Variants in CHMP3 observed in about 807,000 individuals in gnomAD.
CHMP3 encodes 25.1 protein.
Under a neutral mutation model 27.4 loss-of-function variants are expected in CHMP3, and 8 were observed. That is an observed-to-expected ratio of 0.29 (90% CI 0.17 to 0.53). The LOEUF (loss-of-function observed/expected upper bound fraction) is 0.53. Ranked by LOEUF, CHMP3 falls within the 20% of genes least tolerant of loss-of-function variation. The pLI, the probability that CHMP3 is intolerant of heterozygous loss-of-function variation, is 0.96. For synonymous variants in CHMP3, 86 were observed against 85.5 expected, an observed-to-expected ratio of 1.01 and a Z score of -0.03; for missense variants, 208 against 271.5, an observed-to-expected ratio of 0.77 and a Z score of 1.64.
chr2:86,529,396 A>G lies in CHMP3; in HGVS notation c.108T>C (p.Asp36=), dbSNP rs751466834. The G allele has an allele frequency of 3.8e-6, 6 of 1,593,600 alleles. No homozygotes were observed. The highest frequency in any genetic ancestry group is 5.1e-6 in the Non-Finnish European group (6 of 1,171,134). Residue 36 remains aspartate, a splice_region_variant and synonymous_variant, in exon 3 of 6, where the codon GAT becomes GAC. Transcript: ENST00000263856. The part of the protein sequence containing the change: ...EMRVVDRQIR[D]IQREEEKVKR... Reference sequence around the variant, plus strand: ...TCACTTTTTCTTCTTCTCTTTGGATATCTAAATTTAGAACAGAACACCAAA... The same window carrying G: ...TCACTTTTTCTTCTTCTCTTTGGATGTCTAAATTTAGAACAGAACACCAAA...
rs2104733584 is a variant in CHMP3 at position 86,504,585 on chromosome 2, G to C, written c.*1219C>G. ...TGGTCTTGAACTCCTATTCTCAAGA[G>C]AGCCTCCTGCCTCAGCCTTGTAAAG... On this transcript the variant is annotated 3_prime_UTR_variant, in exon 6 of 6. Coordinates refer to ENST00000263856, the MANE Select transcript of CHMP3 (RefSeq NM_016079.4). 2 of 139,596 alleles carry C rather than the reference G, an allele frequency of 1.4e-5. No individual in the cohort carries two copies. Among genetic ancestry groups the C allele is most frequent in the African/African-American group, 5.4e-5 (2 of 36,938 alleles). The allele number at this position is 139,596 out of a possible 1,614,324, so 8.6% of individuals were successfully genotyped here. A position where few individuals can be genotyped will look rare whatever the true frequency, so the allele number is the denominator to read the frequency against.
At chr2:86,532,941 T>C (rs1391977076) in intron 2 of CHMP3, among the ~76,000 whole-genome samples, 3 of 152,214 alleles carry the variant, frequency 2.0e-5, no homozygotes, top group African/African-American at 2.4e-5. Context: ...ACTGGCAACA[T>C]AGAATGAATA....
Position 86,507,461 on chromosome 2 carries a change from T to C in CHMP3, c.523+18A>G, listed in dbSNP as rs755192439. 1.9e-6 allele frequency: 3 copies of C among 1,605,610 alleles called. No individual in the cohort carries two copies. The highest frequency in any genetic ancestry group is 1.7e-4 in the Middle Eastern group (1 of 6,030). On this transcript the variant is annotated intron_variant, in intron 5 of 5. Transcript: ENST00000263856. The stretch of plus-strand genomic sequence containing the variant: ...GGCCATAAAAAGAGAGGAGAAAGGA[T>C]GGATCTCACGGTCATACCTGCTGTA...
At chr2:86,527,768 C>T (rs1443937456) in intron 3 of CHMP3, among the ~76,000 whole-genome samples, 1 of 152,062 alleles carries the variant, frequency 6.6e-6, no homozygotes, top group East Asian at 1.9e-4. Context: ...TGAGACCAGC[C>T]TGGGTAACAT....
intron 3 of CHMP3, among the ~76,000 whole-genome samples, chr2:86,516,896 C>T (rs1675328951): frequency 6.6e-6 from 1 of 152,114 alleles, no homozygotes. Context: ...TGTGGCTATA[C>T]AAGGGCAACA....
chr2:86,563,146 A>C (rs1677455546), intron 1 of CHMP3, 158 bp downstream of exon 1: 1 of 837,368 alleles, frequency 1.2e-6, no homozygotes, highest in African/African-American at 1.7e-5. Flanking sequence ...CGACTCCTAA[A>C]GACTCTTCCT....
chr2:86,526,455 T>C (rs1675713724), intron 3 of CHMP3, among the ~76,000 whole-genome samples: 1 of 152,214 alleles, frequency 6.6e-6, no homozygotes, highest in Non-Finnish European at 1.5e-5. Flanking sequence ...TAAAGCTTCT[T>C]TGGAGAGCAA....
chr2:86,563,101 G>A (rs980885179), intron 1 of CHMP3: 7 of 567,974 alleles, frequency 1.2e-5, no homozygotes, highest in African/African-American at 9.3e-5. Flanking sequence ...ACCTGTTCGA[G>A]AGCCATGGCA....
At chr2:86,544,223 T>C (rs1428310801) in intron 1 of CHMP3, among the ~76,000 whole-genome samples, 2 of 152,254 alleles carry the variant, frequency 1.3e-5, no homozygotes, top group African/African-American at 2.4e-5. Context: ...CTGGGTTGTT[T>C]ACACCTTTTG....
At chr2:86,540,317 T>C (rs1676312689) in intron 2 of CHMP3, among the ~76,000 whole-genome samples, 2 of 152,138 alleles carry the variant, frequency 1.3e-5, no homozygotes, top group South Asian at 4.1e-4. Flanking sequence ...TTATACACAT[T>C]AGCTCACTTG....
chr2:86,524,303 C>G (rs1047502332), intron 3 of CHMP3, among the ~76,000 whole-genome samples: 1 of 152,168 alleles, frequency 6.6e-6, no homozygotes, highest in Non-Finnish European at 1.5e-5. Flanking sequence ...CAACACTTTT[C>G]TTTTAGAAAT....
intron 3 of CHMP3, chr2:86,511,857 C>T (rs1453883461): frequency 6.6e-6 from 1 of 151,828 alleles, no homozygotes; most frequent in Non-Finnish European, 1.5e-5. Flanking sequence ...AGATGGGAGA[C>T]ATGGAAAAAA....
At position 86,529,352 on chromosome 2, in the gene CHMP3, G is replaced by C; in HGVS notation, c.152C>G (p.Ala51Gly). Residue 51 changes from alanine (A) to glycine (G), a missense_variant, in exon 3 of 6, where the codon GCT (alanine) becomes GGT (glycine). Physicochemically the swap from Ala to Gly is moderately conservative, Grantham distance 60. Around this residue, in one of 3 missense-constraint regions of CHMP3, gnomAD observed 94 missense variants for 159.6 expected, o/e 0.59. Coordinates refer to ENST00000263856, the MANE Select transcript of CHMP3 (RefSeq NM_016079.4). ...GACATCCTTCTGGCCCTTCTTGGCA[G>C]CATCTTTCACAGATCGTTTCACTTT... ...EEKVKRSVKD[A>G]AKKGQKDVCI... The C allele has an allele frequency of 6.2e-7, 1 of 1,609,332 alleles. No individual in the cohort carries two copies. The highest frequency in any genetic ancestry group is 8.5e-7 in the Non-Finnish European group (1 of 1,178,394).
At chr2:86,516,021 G>A (rs918895434) in intron 3 of CHMP3, among the ~76,000 whole-genome samples, 11 of 151,782 alleles carry the variant, frequency 7.2e-5, no homozygotes, top group Middle Eastern at 3.4e-3. Context: ...GGTGGCGCAC[G>A]CCTGTAATCC....
intron 3 of CHMP3, among the ~76,000 whole-genome samples, chr2:86,516,580 T>C (rs1270554118): frequency 6.6e-6 from 1 of 152,218 alleles, no homozygotes; most frequent in Non-Finnish European, 1.5e-5. Flanking sequence ...TGTACACTTT[T>C]ATAGCAGCTT....
rs988412306 is a variant in CHMP3 at position 86,509,854 on chromosome 2, C to G, written c.408+504G>C. ...GGCTCGGCAGCAATGCCTTCTTTAT[C>G]CCTGTCCTTGTCTGAGGGCCACGAG... On this transcript the variant is annotated intron_variant, in intron 4 of 5. Coordinates refer to ENST00000263856, the MANE Select transcript of CHMP3 (RefSeq NM_016079.4). Among the ~76,000 whole-genome samples the G allele has an allele frequency of 2.0e-5, 3 of 152,196 alleles. No homozygotes were observed. The East Asian group carries it at 5.8e-4, about 29-fold the overall frequency.
chr2:86,558,695 C>G (rs1338684609), intron 1 of CHMP3, among the ~76,000 whole-genome samples: 1 of 152,158 alleles, frequency 6.6e-6, no homozygotes, highest in Non-Finnish European at 1.5e-5. Flanking sequence ...CTTTCAGCCC[C>G]CAACAGAAGG....
intron 1 of CHMP3, among the ~76,000 whole-genome samples, chr2:86,554,573 A>C (rs1677037762): frequency 6.6e-6 from 1 of 152,234 alleles, no homozygotes; most frequent in South Asian, 2.1e-4. Flanking sequence ...GAATATAAAG[A>C]CAAGCAACTT....
intron 1 of CHMP3, 137 bp downstream of exon 1, chr2:86,563,167 T>A (rs1359909343): frequency 1.9e-6 from 2 of 1,030,780 alleles, no homozygotes; most frequent in Non-Finnish European, 2.9e-6. Flanking sequence ...CCGGCCCCCC[T>A]GTCGAGTGGG....
Sources: allele counts gnomAD v4.1 joint callset (sites outside exome capture counted in the v4.1 genomes callset), GRCh38; gene constraint gnomAD v4.1.1; regional missense constraint gnomAD v4.1.1; transcripts MANE v1.5; gene names NCBI Gene and HGNC (gene_info 2026-07-23, HGNC 2026-07-21).